The following NWD2 variants were observed in gnomAD, a reference collection of about 807,000 sequenced individuals.
NWD2 encodes NACHT and WD repeat domain containing 2.
In NWD2, 37 loss-of-function variants were observed where a neutral mutation model predicts 132.7. The observed-to-expected ratio is 0.28, with a 90% CI of 0.21 to 0.37. NWD2 has a LOEUF of 0.37. Among genes scored for constraint, NWD2 ranks in the 10% least tolerant of loss-of-function variants. The pLI is 1.00. For missense variants in NWD2, 1,592 were observed against 2,122.4 expected, an observed-to-expected ratio of 0.75 and a Z score of 4.91; for synonymous variants, 705 against 803.0, an observed-to-expected ratio of 0.88 and a Z score of 2.06.
intron 1 of NWD2, among the ~76,000 whole-genome samples, chr4:37,312,740 C>G (rs1238091282): frequency 6.6e-6 from 1 of 151,002 alleles, no homozygotes; most frequent in African/African-American, 2.5e-5. Flanking sequence ...AGTTTTTGCC[C>G]ATTCAGTATG....
intron 2 of NWD2, among the ~76,000 whole-genome samples, chr4:37,340,436 G>A (rs1256253350): frequency 6.6e-6 from 1 of 152,186 alleles, no homozygotes; most frequent in Non-Finnish European, 1.5e-5. Context: ...CCTCTGCTCT[G>A]TACCAGGCAG....
At chr4:37,410,366 T>C (rs1331932794) in intron 3 of NWD2, among the ~76,000 whole-genome samples, 1 of 152,140 alleles carries the variant, frequency 6.6e-6, no homozygotes, top group East Asian at 1.9e-4. Context: ...TAATCTGTGA[T>C]AAAACACACT....
At chr4:37,429,036 C>A (rs1712097243) in intron 3 of NWD2, among the ~76,000 whole-genome samples, 1 of 151,976 alleles carries the variant, frequency 6.6e-6, no homozygotes, top group African/African-American at 2.4e-5. Flanking sequence ...CCGGCCTACA[C>A]CACTAAATTT....
At chr4:37,253,442 C>A in intron 1 of NWD2, among the ~76,000 whole-genome samples, 1 of 152,188 alleles carries the variant, frequency 6.6e-6, no homozygotes, top group East Asian at 1.9e-4. Context: ...TGAAGCCATG[C>A]TCCCCGGAAC....
At chr4:37,296,175 C>A (rs1379366410) in intron 1 of NWD2, among the ~76,000 whole-genome samples, 3 of 152,148 alleles carry the variant, frequency 2.0e-5, no homozygotes, top group Non-Finnish European at 4.4e-5. Context: ...TTCACGTGGC[C>A]CCCAAGCTTA....
chr4:37,371,173 G>T (rs1325278350), intron 3 of NWD2, among the ~76,000 whole-genome samples: 1 of 142,376 alleles, frequency 7.0e-6, no homozygotes, highest in Non-Finnish European at 1.5e-5. Context: ...TGCCTCCTGT[G>T]TTCAAGCAAT....
At chr4:37,335,300 CGGGGGGGGG>C (rs5857563) in intron 2 of NWD2, among the ~76,000 whole-genome samples, 1 of 62,326 alleles carries the variant, frequency 1.6e-5, no homozygotes, top group Non-Finnish European at 3.0e-5. Flanking sequence ...GGGGGGTGGG[CGGGGGGGGG>C]GGGCTTAAAT....
At chr4:37,351,682 T>A (rs894098763) in intron 2 of NWD2, among the ~76,000 whole-genome samples, 3 of 152,188 alleles carry the variant, frequency 2.0e-5, no homozygotes, top group Non-Finnish European at 4.4e-5. Context: ...CTCCTTCAGT[T>A]CTGCTCTGAT....
At chr4:37,358,227 G>A (rs909415778) in intron 3 of NWD2, among the ~76,000 whole-genome samples, 12 of 152,062 alleles carry the variant, frequency 7.9e-5, no homozygotes, top group African/African-American at 2.9e-4. Flanking sequence ...TCTGAGCAGA[G>A]GAATGAAGTG....
chr4:37,405,241 C>A (rs1417788127), intron 3 of NWD2, among the ~76,000 whole-genome samples: 2 of 152,126 alleles, frequency 1.3e-5, no homozygotes, highest in Non-Finnish European at 2.9e-5. Context: ...GGGGCACTTG[C>A]CTGCAGGGAG....
intron 3 of NWD2, among the ~76,000 whole-genome samples, chr4:37,376,606 T>C (rs1482195314): frequency 6.6e-6 from 1 of 152,200 alleles, no homozygotes; most frequent in Non-Finnish European, 1.5e-5. Context: ...AAATCTCGGT[T>C]AATCCTGATC....
intron 3 of NWD2, among the ~76,000 whole-genome samples, chr4:37,371,078 C>CTTTTTTTTTTT (rs11378524): frequency 8.3e-6 from 1 of 121,204 alleles, no homozygotes; most frequent in African/African-American, 3.1e-5. Context: ...TTTTCTTTTT[C>CTTTTTTTTTTT]TTTTTTTTTT....
At chr4:37,304,716 G>T (rs1718673846) in intron 1 of NWD2, among the ~76,000 whole-genome samples, 1 of 152,336 alleles carries the variant, frequency 6.6e-6, no homozygotes, top group Non-Finnish European at 1.5e-5. Context: ...GATGCAAGGG[G>T]TGGACTCCCA....
At chr4:37,397,992 T>C (rs1005051629) in intron 3 of NWD2, among the ~76,000 whole-genome samples, 7 of 152,318 alleles carry the variant, frequency 4.6e-5, no homozygotes, top group Middle Eastern at 3.4e-3. Context: ...GAAACATGCA[T>C]TGAAGCAGCA....
At chr4:37,348,631 T>G (rs1719690269) in intron 2 of NWD2, among the ~76,000 whole-genome samples, 1 of 62,604 alleles carries the variant, frequency 1.6e-5, no homozygotes, top group Non-Finnish European at 2.9e-5. Flanking sequence ...TTGCCTGTGG[T>G]TAATTCATAT....
intron 1 of NWD2, among the ~76,000 whole-genome samples, chr4:37,279,557 T>C (rs1408784768): frequency 6.6e-6 from 1 of 152,208 alleles, no homozygotes; most frequent in Non-Finnish European, 1.5e-5. Context: ...CTCCATTATA[T>C]CTGCATTATC....
intron 1 of NWD2, among the ~76,000 whole-genome samples, chr4:37,323,857 CA>C (rs33925291): frequency 1.5e-4 from 22 of 146,756 alleles, no homozygotes; most frequent in Admixed American, 2.7e-4. Context: ...ACTACACAGC[CA>C]AAAAAAAAAA....
At chr4:37,415,412 T>C (rs977655359) in intron 3 of NWD2, among the ~76,000 whole-genome samples, 1 of 152,108 alleles carries the variant, frequency 6.6e-6, no homozygotes, top group South Asian at 2.1e-4. Flanking sequence ...TACTTTAAAA[T>C]AGGCAAAAGA....
chr4:37,308,316 G>A (rs1290962257), intron 1 of NWD2, among the ~76,000 whole-genome samples: 1 of 152,140 alleles, frequency 6.6e-6, no homozygotes, highest in Non-Finnish European at 1.5e-5. Context: ...TTGGTTCTGG[G>A]TGGGCACAGT....
Sources: gnomAD v4.1 joint callset for allele counts (sites outside exome capture counted in the v4.1 genomes callset) on GRCh38, gnomAD v4.1.1 for gene constraint, MANE v1.5 for transcripts, NCBI Gene and HGNC (gene_info 2026-07-23, HGNC 2026-07-21) for gene names.